The following EDIL3 variants were observed in gnomAD, a reference collection of about 807,000 sequenced individuals.
EDIL3 encodes the protein EGF like and discoidin domains 3, also known as EGF-like repeat and discoidin I-like domain-containing protein 3.
A neutral mutation model predicts 67.4 loss-of-function variants in EDIL3; 37 were observed. The ratio of observed to expected loss-of-function variants is 0.55; its 90% CI spans 0.42 to 0.72. EDIL3 has a LOEUF of 0.72. Ranked by LOEUF, EDIL3 falls within the 30% of genes least tolerant of loss-of-function variation. The pLI, the probability that EDIL3 is intolerant of heterozygous loss-of-function variation, is 0.00. For missense variants in EDIL3, 527 were observed against 586.3 expected (o/e 0.90, Z 1.04); for synonymous variants, 195 against 196.3 (o/e 0.99, Z 0.05).
chr5:84,183,590 A>T (rs1304877051), intron 3 of EDIL3, among the ~76,000 whole-genome samples: 2 of 152,200 alleles, frequency 1.3e-5, no homozygotes, highest in African/African-American at 4.8e-5. Context: ...TGTTCCCTAG[A>T]AACAACTTAA....
chr5:84,137,983 T>C (rs1478064434), intron 4 of EDIL3, among the ~76,000 whole-genome samples: 1 of 152,248 alleles, frequency 6.6e-6, no homozygotes, highest in Non-Finnish European at 1.5e-5. Flanking sequence ...TTACATCTGA[T>C]GCAAAATCAC....
intron 4 of EDIL3, among the ~76,000 whole-genome samples, chr5:84,158,199 T>C (rs1173888780): frequency 6.6e-6 from 1 of 152,076 alleles, no homozygotes; most frequent in Non-Finnish European, 1.5e-5. Flanking sequence ...AGTTAAGTAA[T>C]ATTTTGGCAT....
At chr5:84,235,045 ACTC>A (rs1744653732) in intron 2 of EDIL3, among the ~76,000 whole-genome samples, 1 of 152,118 alleles carries the variant, frequency 6.6e-6, no homozygotes, top group Non-Finnish European at 1.5e-5. Context: ...AAATTTGTGA[ACTC>A]AGTCATTAAA....
chr5:84,053,889 G>A (rs1018746408), intron 9 of EDIL3, among the ~76,000 whole-genome samples: 2 of 152,228 alleles, frequency 1.3e-5, no homozygotes, highest in Non-Finnish European at 2.9e-5. Context: ...ACAAGGAGGA[G>A]ATGGTACCAT....
chr5:84,071,216 T>G (rs1056255422), intron 6 of EDIL3, among the ~76,000 whole-genome samples: 7 of 152,184 alleles, frequency 4.6e-5, no homozygotes, highest in Non-Finnish European at 1.0e-4. Flanking sequence ...TCAGTACAGA[T>G]TATAATTCTG....
chr5:83,970,279 T>TATATATATATATAC (rs1324215530), intron 9 of EDIL3, among the ~76,000 whole-genome samples: 1 of 140,252 alleles, frequency 7.1e-6, no homozygotes, highest in Admixed American at 7.3e-5. Context: ...TATATATATA[T>TATATATATATATAC]ATAGTCTCTT....
chr5:84,322,612 A>G lies in EDIL3; in HGVS notation c.67+61696T>C, dbSNP rs1165647261. Among the ~76,000 whole-genome samples, 3 of 152,248 alleles carry G rather than the reference A, an allele frequency of 2.0e-5. No individual in the cohort carries two copies. The East Asian group carries it at 5.8e-4, about 29-fold the overall frequency. ...TTAACTTACACATTGTGGAAATCTT[A>G]GAAGTAAAAGAGACCTAGATGAAGG... On this transcript the variant is annotated intron_variant, in intron 1 of 10. Coordinates refer to ENST00000296591, the MANE Select transcript of EDIL3 (RefSeq NM_005711.5).
intron 1 of EDIL3, among the ~76,000 whole-genome samples, chr5:84,274,132 C>T (rs935150810): frequency 6.6e-6 from 1 of 152,022 alleles, no homozygotes; most frequent in Non-Finnish European, 1.5e-5. Context: ...TTAGAGACAG[C>T]GTCTTGCTCT....
chr5:84,350,160 A>T (rs1747325944), intron 1 of EDIL3, among the ~76,000 whole-genome samples: 1 of 152,140 alleles, frequency 6.6e-6, no homozygotes, highest in East Asian at 1.9e-4. Flanking sequence ...TATGCTTTAC[A>T]TTTAGTTATT....
chr5:84,321,969 GCA>G (rs1157973974), intron 1 of EDIL3, among the ~76,000 whole-genome samples: 3 of 151,844 alleles, frequency 2.0e-5, no homozygotes, highest in Non-Finnish European at 4.4e-5. Context: ...TGAGGAAAAG[GCA>G]CAGATTCAGA....
chr5:84,172,082 C>T (rs1748822306), intron 4 of EDIL3, among the ~76,000 whole-genome samples: 1 of 152,074 alleles, frequency 6.6e-6, no homozygotes, highest in South Asian at 2.1e-4. Context: ...GTGTGAGATC[C>T]CTTAGTTTAC....
At chr5:84,184,883 A>G (rs1283768715) in intron 3 of EDIL3, among the ~76,000 whole-genome samples, 1 of 152,130 alleles carries the variant, frequency 6.6e-6, no homozygotes, top group African/African-American at 2.4e-5. Context: ...GGATTTTAGA[A>G]AAAGATTATG....
intron 1 of EDIL3, among the ~76,000 whole-genome samples, chr5:84,281,153 A>C (rs1205994444): frequency 1.3e-5 from 2 of 152,056 alleles, no homozygotes; most frequent in Non-Finnish European, 2.9e-5. Context: ...CTGAAGTCTA[A>C]TGCATTCTCT....
At chr5:84,172,150 G>T (rs548320751) in intron 4 of EDIL3, among the ~76,000 whole-genome samples, 1 of 152,294 alleles carries the variant, frequency 6.6e-6, no homozygotes, top group Admixed American at 6.5e-5. Flanking sequence ...AAAATTTCTC[G>T]ATTCTAGTCT....
chr5:84,271,854 C>G lies in EDIL3; in HGVS notation c.68-17642G>C, dbSNP rs573060219. On this transcript the variant is annotated intron_variant, in intron 1 of 10. Transcript: ENST00000296591. ...CAGGCAGGATGGCATAAATTGATAG[C>G]AGTCAAAGGAATTACAGACCACATC... 2.0e-5 allele frequency among the ~76,000 whole-genome samples: 3 copies of G among 152,220 alleles called. No homozygotes were observed. The East Asian group carries it at 5.8e-4, about 29-fold the overall frequency.
Position 84,320,336 on chromosome 5 carries a change from T to C in EDIL3, c.67+63972A>G, listed in dbSNP as rs576458916. Among the ~76,000 whole-genome samples, 5 of 152,158 alleles carry C rather than the reference T, an allele frequency of 3.3e-5. No homozygotes were observed. The South Asian group carries it at 6.2e-4, about 19-fold the overall frequency. On this transcript the variant is annotated intron_variant, in intron 1 of 10. Coordinates refer to ENST00000296591, the MANE Select transcript of EDIL3 (RefSeq NM_005711.5). ...CTTAAATATATTTGATCCAGCAGCA[T>C]TGACATCACTAAAAGATTGTTAGAA...
At chr5:84,119,212 GTTTTTTTTTTTT>G (rs66522256) in intron 5 of EDIL3, among the ~76,000 whole-genome samples, 5 of 82,306 alleles carry the variant, frequency 6.1e-5, no homozygotes, top group African/African-American at 9.3e-5. Context: ...CATGCATTTG[GTTTTTTTTTTTT>G]TTTTTTTTTT....
chr5:84,127,672 CTT>C (rs1413491959), intron 5 of EDIL3, among the ~76,000 whole-genome samples: 1 of 152,138 alleles, frequency 6.6e-6, no homozygotes, highest in Admixed American at 6.6e-5. Context: ...TGGAAACACT[CTT>C]TTCCTTGCTC....
chr5:84,238,663 A>ATCTTTTT (rs371255305), intron 2 of EDIL3, among the ~76,000 whole-genome samples: 1 of 26,664 alleles, frequency 3.8e-5, no homozygotes, highest in African/African-American at 1.8e-4. Flanking sequence ...CTAAAATTAA[A>ATCTTTTT]TGTTTTTTTT....
Sources: gnomAD v4.1 joint callset for allele counts (sites outside exome capture counted in the v4.1 genomes callset) on GRCh38, gnomAD v4.1.1 for gene constraint, MANE v1.5 for transcripts, NCBI Gene and HGNC (gene_info 2026-07-23, HGNC 2026-07-21) for gene names.